The following ZDHHC21 variants were observed in gnomAD, a reference collection of about 807,000 sequenced individuals.
ZDHHC21 encodes zDHHC palmitoyltransferase 21.
A neutral mutation model predicts 34.6 loss-of-function variants in ZDHHC21; 15 were observed. The observed-to-expected ratio is 0.43, with a 90% CI of 0.29 to 0.67. The LOEUF (loss-of-function observed/expected upper bound fraction) is 0.67, where lower values mean the gene tolerates loss of function less well. Ranked by LOEUF, ZDHHC21 falls within the 30% of genes least tolerant of loss-of-function variation. ZDHHC21 has a pLI of 0.14. For synonymous variants in ZDHHC21, 142 were observed against 101.8 expected (o/e 1.40, Z -2.38); for missense variants, 344 against 327.7 (o/e 1.05, Z -0.38).
chr9:14,672,149 T>C (rs943202060), intron 5 of ZDHHC21, among the ~76,000 whole-genome samples: 1 of 152,048 alleles, frequency 6.6e-6, no homozygotes, highest in African/African-American at 2.4e-5. Context: ...TCAGAGTAAT[T>C]CAATAAAAAA....
chr9:14,690,299 T>A, intron 2 of ZDHHC21, 38 bp downstream of exon 2: 1 of 447,720 alleles, frequency 2.2e-6, no homozygotes, highest in Non-Finnish European at 4.4e-6. Context: ...CAGCCATGAT[T>A]TAAGAACACT....
chr9:14,644,886 G>A (rs12006436), intron 7 of ZDHHC21, among the ~76,000 whole-genome samples: 5,458 of 151,738 alleles, frequency 0.036, 327 homozygotes, highest in African/African-American at 0.13. Context: ...TTGCTAAGCT[G>A]TTTCTTTATT....
chr9:14,677,622 A>C (rs978388691), intron 3 of ZDHHC21: 12 of 152,094 alleles, frequency 7.9e-5, no homozygotes, highest in African/African-American at 2.9e-4. Context: ...AACTCTGATT[A>C]AGTAACTAGT....
intron 6 of ZDHHC21, among the ~76,000 whole-genome samples, chr9:14,660,856 T>G (rs1239814814): frequency 6.6e-6 from 1 of 152,166 alleles, no homozygotes. Flanking sequence ...TCATGAACAT[T>G]TGTATTTTAG....
intron 7 of ZDHHC21, among the ~76,000 whole-genome samples, chr9:14,644,306 C>A (rs1829908759): frequency 6.6e-6 from 1 of 152,154 alleles, no homozygotes; most frequent in South Asian, 2.1e-4. Context: ...GTTACATCAT[C>A]TATGTGTAAT....
At chr9:14,682,351 C>T (rs1264035353) in intron 2 of ZDHHC21, among the ~76,000 whole-genome samples, 1 of 152,032 alleles carries the variant, frequency 6.6e-6, no homozygotes, top group African/African-American at 2.4e-5. Context: ...GGAAGATCTA[C>T]CAAGCAAATG....
the ZDHHC21 span, among the ~76,000 whole-genome samples, chr9:14,593,200 T>A: frequency 6.6e-6 from 1 of 151,996 alleles, no homozygotes; most frequent in African/African-American, 2.4e-5. Flanking sequence ...AAAATCAAGA[T>A]AAAAGTATGT....
At chr9:14,641,462 A>C (rs1263226370) in intron 7 of ZDHHC21, among the ~76,000 whole-genome samples, 1 of 152,214 alleles carries the variant, frequency 6.6e-6, no homozygotes, top group African/African-American at 2.4e-5. Context: ...TAATTGATAC[A>C]TTAAACAAGT....
downstream of ZDHHC21, among the ~76,000 whole-genome samples, chr9:14,608,378 A>G (rs1416880354): frequency 1.3e-5 from 2 of 152,112 alleles, no homozygotes; most frequent in Non-Finnish European, 2.9e-5. Flanking sequence ...TATCACCCAA[A>G]CCATGCTACA....
chr9:14,621,859 T>C (rs1825363785), intron 8 of ZDHHC21, among the ~76,000 whole-genome samples: 1 of 152,132 alleles, frequency 6.6e-6, no homozygotes, highest in African/African-American at 2.4e-5. Context: ...TCAAATTAAG[T>C]TAAATATACT....
chr9:14,628,187 T>A (rs2133545391), intron 8 of ZDHHC21, among the ~76,000 whole-genome samples: 1 of 152,302 alleles, frequency 6.6e-6, no homozygotes, highest in East Asian at 1.9e-4. Flanking sequence ...TGAAATCTTT[T>A]AACCTTGAAA....
intron 7 of ZDHHC21, among the ~76,000 whole-genome samples, chr9:14,646,673 A>G (rs1830326442): frequency 1.3e-5 from 2 of 152,108 alleles, no homozygotes; most frequent in Non-Finnish European, 2.9e-5. Flanking sequence ...TCTTCCCAGA[A>G]AACTCCCCAG....
At chr9:14,692,792 G>C (rs963564822) in intron 1 of ZDHHC21, among the ~76,000 whole-genome samples, 2 of 142,224 alleles carry the variant, frequency 1.4e-5, no homozygotes, top group African/African-American at 2.5e-5. Flanking sequence ...TGAATGAAAA[G>C]CTCTGGAATA....
intron 9 of ZDHHC21, 47 bp downstream of exon 9, chr9:14,619,592 T>G: frequency 7.6e-7 from 1 of 1,311,916 alleles, no homozygotes; most frequent in South Asian, 1.3e-5. Flanking sequence ...GTATGTCCAG[T>G]TCTTTCCAAT....
intron 8 of ZDHHC21, among the ~76,000 whole-genome samples, chr9:14,638,787 G>T (rs1293369666): frequency 1.3e-5 from 2 of 151,926 alleles, no homozygotes; most frequent in African/African-American, 4.8e-5. Flanking sequence ...AATCAACAGG[G>T]AAATGCAAGT....
intron 2 of ZDHHC21, among the ~76,000 whole-genome samples, chr9:14,682,482 A>G (rs2131618839): frequency 6.6e-6 from 1 of 152,354 alleles, no homozygotes; most frequent in South Asian, 2.1e-4. Context: ...CTCAACAAGA[A>G]GAGCTAACTA....
intron 7 of ZDHHC21, among the ~76,000 whole-genome samples, chr9:14,657,771 CA>C (rs1382726542): frequency 6.6e-6 from 1 of 152,110 alleles, no homozygotes; most frequent in Non-Finnish European, 1.5e-5. Context: ...TTTTCATTAA[CA>C]CCACTAAACT....
chr9:14,684,319 A>G (rs1381040923), intron 2 of ZDHHC21, among the ~76,000 whole-genome samples: 2 of 151,766 alleles, frequency 1.3e-5, no homozygotes, highest in Non-Finnish European at 2.9e-5. Context: ...TCTCAGCCCA[A>G]AATCTCCTTA....
At chr9:14,642,082 G>A (rs142784156) in intron 7 of ZDHHC21, among the ~76,000 whole-genome samples, 3 of 152,070 alleles carry the variant, frequency 2.0e-5, no homozygotes, top group African/African-American at 7.2e-5. Context: ...AAATGTCAAG[G>A]ATGGAGATGA....
Sources: gnomAD v4.1 joint callset for allele counts (sites outside exome capture counted in the v4.1 genomes callset) on GRCh38, gnomAD v4.1.1 for gene constraint, MANE v1.5 for transcripts, NCBI Gene and HGNC (gene_info 2026-07-23, HGNC 2026-07-21) for gene names.